Variants in MROH9 observed in about 807,000 individuals in gnomAD.
The protein encoded by MROH9 is maestro heat like repeat family member 9.
In MROH9, 92 loss-of-function variants were observed where a neutral mutation model predicts 98.2. The observed-to-expected ratio is 0.94, with a 90% confidence interval of 0.79 to 1.11. The LOEUF is 1.11. MROH9 is among the 50% of genes most tolerant of loss of function. The pLI is 0.00. For synonymous variants in MROH9, 397 were observed against 368.9 expected (o/e 1.08, Z -0.87); for missense variants, 1,057 against 1,014.8 (o/e 1.04, Z -0.57).
At chr1:170,978,968 G>T (rs1650822678) in intron 8 of MROH9, among the ~76,000 whole-genome samples, 1 of 152,170 alleles carries the variant, frequency 6.6e-6, no homozygotes, top group African/African-American at 2.4e-5. Flanking sequence ...TGGCTCAATA[G>T]CCCTGGTGAG....
intron 6 of MROH9, among the ~76,000 whole-genome samples, chr1:170,964,001 C>T (rs367645882): frequency 2.6e-5 from 4 of 152,230 alleles, no homozygotes; most frequent in African/African-American, 9.6e-5. Flanking sequence ...TATGAATCCT[C>T]CCCTTCCCTG....
chr1:171,036,729 A>T (rs1653109357), intron 20 of MROH9, among the ~76,000 whole-genome samples: 1 of 151,874 alleles, frequency 6.6e-6, no homozygotes, highest in East Asian at 1.9e-4. Context: ...ACAAAAAATA[A>T]AAATAAATAA....
intron 20 of MROH9, among the ~76,000 whole-genome samples, chr1:171,056,260 G>C (rs1054182446): frequency 3.9e-4 from 59 of 152,172 alleles, no homozygotes; most frequent in African/African-American, 1.4e-3. Flanking sequence ...GGGGAAGTGT[G>C]GCATCCATCT....
intron 1 of MROH9, among the ~76,000 whole-genome samples, chr1:170,941,328 C>T (rs372250298): frequency 4.6e-5 from 7 of 152,258 alleles, no homozygotes; most frequent in African/African-American, 1.7e-4. Flanking sequence ...GCCCAGCCTC[C>T]CTTTCACTCA....
intron 20 of MROH9, among the ~76,000 whole-genome samples, chr1:171,051,850 C>T (rs1418120188): frequency 6.6e-6 from 1 of 152,150 alleles, no homozygotes; most frequent in Non-Finnish European, 1.5e-5. Context: ...TTTGATATTG[C>T]AGTGATGGCT....
chr1:170,987,409 C>T (rs189744781), intron 10 of MROH9, among the ~76,000 whole-genome samples: 10 of 152,278 alleles, frequency 6.6e-5, no homozygotes, highest in East Asian at 1.9e-4. Context: ...CAGTGCACAA[C>T]GAAATCTGGG....
At chr1:170,967,027 T>A (rs1650259919) in intron 7 of MROH9, among the ~76,000 whole-genome samples, 2 of 152,172 alleles carry the variant, frequency 1.3e-5, no homozygotes, top group African/African-American at 4.8e-5. Context: ...ATTTTGGAGT[T>A]TCATCTTCTA....
chr1:170,945,139 A>G (rs1649275142), intron 1 of MROH9, among the ~76,000 whole-genome samples: 1 of 151,856 alleles, frequency 6.6e-6, no homozygotes, highest in Non-Finnish European at 1.5e-5. Flanking sequence ...GATGCTGAGT[A>G]TTGTCCTCAG....
chr1:171,028,916 T>G (rs1652817610), intron 20 of MROH9, among the ~76,000 whole-genome samples: 1 of 152,222 alleles, frequency 6.6e-6, no homozygotes, highest in Admixed American at 6.5e-5. Flanking sequence ...GTTTTTGGGC[T>G]GAGGTGATGG....
chr1:170,990,861 G>A (rs772249243), intron 11 of MROH9, among the ~76,000 whole-genome samples: 2 of 152,142 alleles, frequency 1.3e-5, no homozygotes, highest in African/African-American at 2.4e-5. Context: ...TAATGTCTGT[G>A]AAAGGGCATT....
At chr1:171,026,203 G>GCA (rs1476356605) in intron 20 of MROH9, among the ~76,000 whole-genome samples, 4 of 151,460 alleles carry the variant, frequency 2.6e-5, no homozygotes, top group Non-Finnish European at 5.9e-5. Context: ...ACAGACACAG[G>GCA]CACGTGCGCG....
At chr1:170,963,357 A>G (rs1650101285) in intron 6 of MROH9, among the ~76,000 whole-genome samples, 1 of 152,148 alleles carries the variant, frequency 6.6e-6, no homozygotes, top group Non-Finnish European at 1.5e-5. Context: ...GTGGAGAAAA[A>G]TAAATGTTTA....
At chr1:170,956,592 T>TTG (rs1649767802) in intron 3 of MROH9, among the ~76,000 whole-genome samples, 1 of 120,860 alleles carries the variant, frequency 8.3e-6, no homozygotes, top group Admixed American at 8.5e-5. Context: ...CTTTTTTTTT[T>TTG]TTGTTTTTTT....
intron 4 of MROH9, among the ~76,000 whole-genome samples, 158 bp from the exon 5 acceptor site, chr1:170,959,304 G>A (rs1649914063): frequency 6.6e-6 from 1 of 152,136 alleles, no homozygotes; most frequent in Admixed American, 6.5e-5. Context: ...GAACCCGGGA[G>A]GTGGAGCTTG....
At chr1:170,996,187 A>C (rs1027786883) in intron 13 of MROH9, among the ~76,000 whole-genome samples, 2 of 152,212 alleles carry the variant, frequency 1.3e-5, no homozygotes, top group African/African-American at 4.8e-5. Context: ...TAATAGAAGA[A>C]AATGGACATC....
At chr1:170,993,393 A>T (rs1025786542) in intron 12 of MROH9, among the ~76,000 whole-genome samples, 6 of 152,202 alleles carry the variant, frequency 3.9e-5, no homozygotes, top group African/African-American at 1.4e-4. Context: ...GATAAATTAA[A>T]GCCACATATG....
At chr1:171,014,325 T>A (rs1006089269) in intron 16 of MROH9, 71 bp downstream of exon 16, 8 of 1,381,462 alleles carry the variant, frequency 5.8e-6, no homozygotes, top group Non-Finnish European at 7.9e-6. Flanking sequence ...TCACTTAACA[T>A]CTTCACTGAC....
chr1:170,983,463 C>T lies in MROH9; in HGVS notation c.658C>T (p.Leu220Phe). 4 of 1,613,226 alleles carry T rather than the reference C, an allele frequency of 2.5e-6. No homozygotes were observed. The highest frequency in any genetic ancestry group is 2.5e-6 in the Non-Finnish European group (3 of 1,179,484). Reference protein sequence around the residue: ...NKPTNGKSHSLQFPSSDVEFL... With the variant: ...NKPTNGKSHSFQFPSSDVEFL... ...GCCTACAAACGGTAAAAGTCATAGC[C>T]TCCAGTTTCCTTCTTCTGATGTAGA... The change falls in exon 9 of 22, where the codon CTC becomes TTC. Residue 220 changes from leucine (L) to phenylalanine (F), a missense_variant. By Grantham distance (22) the Leu-to-Phe change is conservative (BLOSUM62 0). Coordinates refer to ENST00000367759, the MANE Select transcript of MROH9 (RefSeq NM_001163629.2).
In MROH9 at chr1:170,992,180, T is replaced by TG; in HGVS notation, c.1047dup (p.Lys350GlufsTer41). 6.2e-7 allele frequency: 1 copy of TG among 1,611,572 alleles called. No individual in the cohort carries two copies. Among genetic ancestry groups the TG allele is most frequent in the South Asian group, 1.1e-5 (1 of 90,742 alleles). ...TGTTTGCAGCACTCTGATACAGATG[T>TG]GGAAGGCGGCATGTTCTCAGGCGAG... On this transcript the variant is annotated frameshift_variant, in exon 12 of 22. Transcript: ENST00000367759. LOFTEE classifies it high-confidence loss of function.
Sources: allele counts gnomAD v4.1 joint callset (sites outside exome capture counted in the v4.1 genomes callset), GRCh38; gene constraint gnomAD v4.1.1; transcripts MANE v1.5; gene names NCBI Gene and HGNC (gene_info 2026-07-23, HGNC 2026-07-21).